Variants in FBLN5 observed in about 807,000 individuals in gnomAD.
The protein encoded by FBLN5 is fibulin 5, also known as fibulin-5.
FBLN5 carries 24 observed loss-of-function variants against 61.6 expected under a neutral mutation model. That is an observed-to-expected ratio of 0.39 (90% confidence interval 0.28 to 0.55). FBLN5 has a LOEUF of 0.55. FBLN5 is among the 20% of genes least tolerant of loss of function. FBLN5 has a pLI of 0.65. For missense variants in FBLN5, 470 were observed against 594.1 expected (o/e 0.79, Z 2.17); for synonymous variants, 213 against 219.8 (o/e 0.97, Z 0.27).
chr14:91,887,819 A>C (rs1207529944), intron 6 of FBLN5, among the ~76,000 whole-genome samples: 3 of 152,218 alleles, frequency 2.0e-5, no homozygotes. Context: ...TACAACGAGG[A>C]CCATTGGCCC....
intron 2 of FBLN5, among the ~76,000 whole-genome samples, chr14:91,941,743 G>A (rs75462826): frequency 0.095 from 14,382 of 151,138 alleles, 861 homozygotes; most frequent in African/African-American, 0.17. Flanking sequence ...TACTCTCTGC[G>A]TAACTTTTCT....
intron 4 of FBLN5, among the ~76,000 whole-genome samples, chr14:91,922,314 G>GTAAA (rs3031542): frequency 0.1 from 15,004 of 143,432 alleles, 994 homozygotes; most frequent in Admixed American, 0.21. Flanking sequence ...TAATAATAAA[G>GTAAA]TAAATAAATA....
At chr14:91,881,084 TCCA>T (rs1413487594) in intron 9 of FBLN5, among the ~76,000 whole-genome samples, 2 of 151,754 alleles carry the variant, frequency 1.3e-5, no homozygotes, top group African/African-American at 4.9e-5. Context: ...TATTTTCTAT[TCCA>T]GTCTGTTCTA....
At chr14:91,912,340 T>TA (rs1435019766) in intron 4 of FBLN5, among the ~76,000 whole-genome samples, 6 of 151,826 alleles carry the variant, frequency 4.0e-5, no homozygotes, top group Non-Finnish European at 8.8e-5. Flanking sequence ...CTACAAAAAA[T>TA]AAAAAATAGA....
chr14:91,934,603 A>G (rs2055981974), intron 4 of FBLN5, among the ~76,000 whole-genome samples: 1 of 152,188 alleles, frequency 6.6e-6, no homozygotes, highest in African/African-American at 2.4e-5. Context: ...CTCCTAGAAC[A>G]CTAAAGTTTC....
chr14:91,888,728 A>T (rs1889848399), intron 6 of FBLN5, among the ~76,000 whole-genome samples: 1 of 152,136 alleles, frequency 6.6e-6, no homozygotes, highest in South Asian at 2.1e-4. Context: ...TAACAAGGAC[A>T]CACAGTGGGA....
chr14:91,946,772 C>G, intron 1 of FBLN5: 2 of 1,536,096 alleles, frequency 1.3e-6, no homozygotes, highest in Non-Finnish European at 1.7e-6. Flanking sequence ...GAATCCCACA[C>G]AAACATAGAG....
chr14:91,927,725 G>T (rs1306414404), intron 4 of FBLN5, among the ~76,000 whole-genome samples: 1 of 152,254 alleles, frequency 6.6e-6, no homozygotes, highest in East Asian at 1.9e-4. Context: ...CCTCCAGGCA[G>T]TGCTCTCTGG....
At chr14:91,933,560 G>A (rs1404779317) in intron 4 of FBLN5, among the ~76,000 whole-genome samples, 1 of 152,140 alleles carries the variant, frequency 6.6e-6, no homozygotes. Context: ...GAGCCACCGT[G>A]CCTGGCCTTA....
intron 6 of FBLN5, among the ~76,000 whole-genome samples, chr14:91,887,759 G>C (rs1370381363): frequency 6.6e-6 from 1 of 152,014 alleles, no homozygotes; most frequent in Non-Finnish European, 1.5e-5. Context: ...TATTTATTAT[G>C]CATAAATAAC....
At chr14:91,944,844 T>C (rs2056159379) in intron 1 of FBLN5, among the ~76,000 whole-genome samples, 1 of 152,176 alleles carries the variant, frequency 6.6e-6, no homozygotes, top group Non-Finnish European at 1.5e-5. Context: ...GATTCAGTCA[T>C]GCAAGGTGAA....
At chr14:91,945,033 C>G (rs1438113259) in intron 1 of FBLN5, among the ~76,000 whole-genome samples, 1 of 152,128 alleles carries the variant, frequency 6.6e-6, no homozygotes, top group Non-Finnish European at 1.5e-5. Flanking sequence ...GAGTTTGAGA[C>G]CAGCCTGGGC....
At chr14:91,926,854 T>A (rs8014161) in intron 4 of FBLN5, among the ~76,000 whole-genome samples, 45,993 of 152,004 alleles carry the variant, frequency 0.3, 7,578 homozygotes, top group East Asian at 0.37. Flanking sequence ...GACCTGACTA[T>A]CCTGCCTTCA....
At chr14:91,870,508 A>G (rs1207343715) in intron 10 of FBLN5, 123 bp from the exon 11 acceptor site, 2 of 929,008 alleles carry the variant, frequency 2.2e-6, no homozygotes, top group Non-Finnish European at 3.5e-6. Context: ...CAACTGTGCC[A>G]TGCTCTTTCC....
In FBLN5 at chr14:91,936,976, T is replaced by G; in HGVS notation, c.350A>C (p.Tyr117Ser). The G allele has an allele frequency of 6.2e-7, 1 of 1,614,172 alleles. No homozygotes were observed. Among genetic ancestry groups the G allele is most frequent in the South Asian group, 1.1e-5 (1 of 91,086 alleles). ...ACATTGGTTGCTTTCATCCATCTGG[T>G]ATCCAAAGCGGCATATAAGAGGCCT... is the stretch of plus-strand genomic sequence containing the variant. ...ISRPLICRFG[Y>S]QMDESNQCVD... The change falls in exon 4 of 11, where the codon TAC becomes TCC. Residue 117 changes from tyrosine to serine, a missense_variant. By Grantham distance (144) the Tyr-to-Ser change is moderately radical. Coordinates refer to ENST00000342058, the MANE Select transcript of FBLN5 (RefSeq NM_006329.4).
intron 4 of FBLN5, 64 bp from the exon 5 acceptor site, chr14:91,895,136 G>A: frequency 6.2e-7 from 1 of 1,601,216 alleles, no homozygotes; most frequent in Non-Finnish European, 8.5e-7. Context: ...GAGCCACCAG[G>A]GGTGCCAGTG....
chr14:91,887,293 G>T lies in FBLN5; in HGVS notation c.639C>A (p.Thr213=). Residue 213 remains threonine (T), a synonymous_variant, in exon 7 of 11, where the codon ACC becomes ACA. Transcript: ENST00000342058. ...RSCQDVNECA[T]ENPCVQTCVN... ...CGCAGGTTTGCACGCAGGGGTTCTCGGTGGCACACTCGTTCACATCTGTGG... is the reference window on the plus strand; with the variant it reads ...CGCAGGTTTGCACGCAGGGGTTCTCTGTGGCACACTCGTTCACATCTGTGG... 1 of 1,613,292 alleles carries T rather than the reference G, an allele frequency of 6.2e-7. No homozygotes were observed.
chr14:91,877,442 A>G (rs1301622295), intron 10 of FBLN5, 45 bp downstream of exon 10: 1 of 1,479,100 alleles, frequency 6.8e-7, no homozygotes. Context: ...AGACAGCACA[A>G]GGCCACTGTT....
chr14:91,932,686 T>C (rs1023449684), intron 4 of FBLN5, among the ~76,000 whole-genome samples: 2 of 152,208 alleles, frequency 1.3e-5, no homozygotes, highest in African/African-American at 2.4e-5. Context: ...CCTAGATCTA[T>C]GAGCAGCTTA....
Sources: allele counts gnomAD v4.1 joint callset (sites outside exome capture counted in the v4.1 genomes callset), GRCh38; gene constraint gnomAD v4.1.1; transcripts MANE v1.5; gene names NCBI Gene and HGNC (gene_info 2026-07-23, HGNC 2026-07-21).